The following CNOT6L variants were observed in gnomAD, a reference collection of about 807,000 sequenced individuals.
CNOT6L encodes the protein CCR4-NOT transcription complex subunit 6-like.
In CNOT6L, 7 loss-of-function variants were observed where a neutral mutation model predicts 64.0. The observed-to-expected ratio is 0.11, with a 90% confidence interval of 0.06 to 0.21. The LOEUF (loss-of-function observed/expected upper bound fraction) is 0.21. Among genes scored for constraint, CNOT6L ranks in the 10% least tolerant of loss-of-function variants. The pLI is 1.00. For missense variants in CNOT6L, 245 were observed against 669.0 expected, an observed-to-expected ratio of 0.37 and a Z score of 6.99; for synonymous variants, 193 against 243.4, an observed-to-expected ratio of 0.79 and a Z score of 1.93.
chr4:77,745,430 C>CATTTAAAAAAAAA (rs1724081525), intron 6 of CNOT6L, among the ~76,000 whole-genome samples: 4 of 152,236 alleles, frequency 2.6e-5, no homozygotes, highest in African/African-American at 9.6e-5. Context: ...AGACTGTGAG[C>CATTTAAAAAAAAA]AAACTAATAG....
At chr4:77,816,936 T>A (rs1733648660) in intron 1 of CNOT6L, among the ~76,000 whole-genome samples, 1 of 152,158 alleles carries the variant, frequency 6.6e-6, no homozygotes, top group South Asian at 2.1e-4. Flanking sequence ...GAGAAAATAC[T>A]AAAAATGGAA....
intron 4 of CNOT6L, among the ~76,000 whole-genome samples, chr4:77,769,308 A>G (rs1727274851): frequency 1.3e-5 from 2 of 152,176 alleles, no homozygotes; most frequent in South Asian, 4.1e-4. Context: ...CAGGAAACAT[A>G]AAAGGTATAG....
chr4:77,792,533 C>A (rs1730283751), intron 1 of CNOT6L, among the ~76,000 whole-genome samples: 1 of 152,014 alleles, frequency 6.6e-6, no homozygotes, highest in Non-Finnish European at 1.5e-5. Flanking sequence ...CAAGACCAGC[C>A]TGGCCAACAT....
chr4:77,800,118 T>C lies in CNOT6L; in HGVS notation c.5+19186A>G, dbSNP rs866712593. Among the ~76,000 whole-genome samples, 11 of 152,236 alleles carry C rather than the reference T, an allele frequency of 7.2e-5. No individual in the cohort carries two copies. In the Middle Eastern group the frequency reaches 0.017, roughly 235 times the overall value. On this transcript the variant is annotated intron_variant, in intron 1 of 11. Coordinates refer to ENST00000504123, the MANE Select transcript of CNOT6L (RefSeq NM_144571.3). Reference sequence around the variant, plus strand: ...GTTTTAATTACCAGAAAACTGAACTTGATAGTATCAAAAACTGAACTAATG... The same window carrying C: ...GTTTTAATTACCAGAAAACTGAACTCGATAGTATCAAAAACTGAACTAATG...
rs752900583 is a variant in CNOT6L, at chr4:77,728,917, T to C, written c.1189A>G (p.Thr397Ala). ...EKASSRPGSP[T>A]ADPNSIPLVL... The stretch of plus-strand genomic sequence containing the variant: ...AGCGGGATGGAATTAGGATCTGCAG[T>C]TGGGCTTCCAGGCCTACTAGAGGCT... Residue 397 changes from threonine to alanine, a missense_variant, in exon 10 of 12, where the codon ACT (threonine) becomes GCT (alanine). Around this residue, in one of 10 missense-constraint regions of CNOT6L, gnomAD observed 17 missense variants for 23.6 expected, o/e 0.72. Transcript: ENST00000504123. 16 of 1,613,680 alleles carry C rather than the reference T, an allele frequency of 9.9e-6. No individual in the cohort carries two copies. The Admixed American group carries it at 1.7e-4, about 17-fold the overall frequency.
At chr4:77,788,742 A>AAAT (rs969729820) in intron 1 of CNOT6L, among the ~76,000 whole-genome samples, 19 of 152,026 alleles carry the variant, frequency 1.2e-4, no homozygotes, top group Admixed American at 3.3e-4. Context: ...AAGTAATAAT[A>AAAT]AATAATAATA....
chr4:77,791,968 CTG>C (rs1730202719), intron 1 of CNOT6L, among the ~76,000 whole-genome samples: 1 of 152,052 alleles, frequency 6.6e-6, no homozygotes, highest in African/African-American at 2.4e-5. Flanking sequence ...ATACTTTACA[CTG>C]TATTTACTCA....
intron 1 of CNOT6L, among the ~76,000 whole-genome samples, chr4:77,792,219 A>G (rs1427086390): frequency 6.6e-6 from 1 of 152,172 alleles, no homozygotes; most frequent in Non-Finnish European, 1.5e-5. Context: ...AATGACATAT[A>G]AAAAAGTATA....
chr4:77,737,523 G>A (rs1723106734), intron 8 of CNOT6L, among the ~76,000 whole-genome samples: 1 of 144,202 alleles, frequency 6.9e-6, no homozygotes, highest in African/African-American at 2.6e-5. Context: ...CCGGGTTCAA[G>A]CAATTCTCTG....
chr4:77,781,863 C>A (rs987091759), intron 1 of CNOT6L, among the ~76,000 whole-genome samples: 12 of 152,140 alleles, frequency 7.9e-5, no homozygotes, highest in Admixed American at 5.2e-4. Context: ...AGGATTCAGA[C>A]TAAAAATCCT....
intron 5 of CNOT6L, among the ~76,000 whole-genome samples, chr4:77,755,743 C>T (rs189654355): frequency 7.8e-4 from 118 of 152,066 alleles, no homozygotes; most frequent in Admixed American, 1.4e-3. Context: ...GGAAGAAGGG[C>T]GTCTTACGAT....
Position 77,756,963 on chromosome 4 carries a change from G to A in CNOT6L, c.401-12C>T. On this transcript the variant is annotated splice_polypyrimidine_tract_variant and intron_variant, in intron 4 of 11. Coordinates refer to ENST00000504123, the MANE Select transcript of CNOT6L (RefSeq NM_144571.3). ...TGATAAAGGATTGCCTAAAGCAGAA[G>A]ACAAAAATAAAACCTTTAAAACTTA... 2.6e-6 allele frequency: 4 copies of A among 1,517,334 alleles called. No individual in the cohort carries two copies. The highest frequency in any genetic ancestry group is 3.6e-6 in the Non-Finnish European group (4 of 1,108,384). The allele number at this position is 1,517,334 out of a possible 1,614,324, so 94.0% of individuals were successfully genotyped here.
chr4:77,726,927 T>C (rs1435949093), intron 10 of CNOT6L, among the ~76,000 whole-genome samples: 2 of 152,186 alleles, frequency 1.3e-5, no homozygotes, highest in Non-Finnish European at 2.9e-5. Flanking sequence ...TAAAGCATAT[T>C]ATATGCCAGA....
chr4:77,749,624 T>A (rs995376886), intron 5 of CNOT6L, among the ~76,000 whole-genome samples: 7 of 152,124 alleles, frequency 4.6e-5, no homozygotes, highest in African/African-American at 1.7e-4. Context: ...TATAACGCAA[T>A]CAACAATATC....
chr4:77,810,894 G>GTTTTACC (rs1732861138), intron 1 of CNOT6L, among the ~76,000 whole-genome samples: 1 of 151,908 alleles, frequency 6.6e-6, no homozygotes, highest in African/African-American at 2.4e-5. Context: ...AATACGTGGT[G>GTTTTACC]TTTTACCTTT....
At chr4:77,730,718 T>C (rs2109891281) in intron 9 of CNOT6L, among the ~76,000 whole-genome samples, 1 of 152,208 alleles carries the variant, frequency 6.6e-6, no homozygotes, top group African/African-American at 2.4e-5. Context: ...ATCAATACTC[T>C]AGTCCAAAAT....
chr4:77,786,576 G>C (rs7657481), intron 1 of CNOT6L, among the ~76,000 whole-genome samples: 9,717 of 152,164 alleles, frequency 0.064, 460 homozygotes, highest in African/African-American at 0.13. Flanking sequence ...TGGGTGTTAA[G>C]TGATTCTCCC....
intron 6 of CNOT6L, 78 bp downstream of exon 6, chr4:77,748,238 A>C (rs1432311956): frequency 4.1e-6 from 4 of 986,782 alleles, no homozygotes; most frequent in Non-Finnish European, 6.5e-6. Context: ...ATGAAGTCTT[A>C]TTTATTACAG....
chr4:77,763,452 T>C (rs980637341), intron 4 of CNOT6L, among the ~76,000 whole-genome samples: 2 of 152,000 alleles, frequency 1.3e-5, no homozygotes, highest in Admixed American at 1.3e-4. Flanking sequence ...GACACTAGCA[T>C]CATAAGATTA....
Sources: allele counts gnomAD v4.1 joint callset (sites outside exome capture counted in the v4.1 genomes callset), GRCh38; gene constraint gnomAD v4.1.1; regional missense constraint gnomAD v4.1.1; transcripts MANE v1.5; gene names NCBI Gene and HGNC (gene_info 2026-07-23, HGNC 2026-07-21).